The following COQ8A variants were observed in gnomAD, a reference collection of about 807,000 sequenced individuals.
COQ8A encodes atypical kinase COQ8A, mitochondrial.
COQ8A carries 51 observed loss-of-function variants against 65.0 expected under a neutral mutation model. The observed-to-expected ratio is 0.78, with a 90% confidence interval of 0.63 to 0.99. The LOEUF is 0.99. COQ8A is among the 50% of genes least tolerant of loss of function. The pLI is 0.00. For synonymous variants in COQ8A, 371 were observed against 353.2 expected (o/e 1.05, Z -0.57); for missense variants, 940 against 875.0 (o/e 1.07, Z -0.94).
intron 1 of COQ8A, among the ~76,000 whole-genome samples, chr1:226,945,561 A>G (rs1415525776): frequency 3.9e-5 from 6 of 152,194 alleles, no homozygotes; most frequent in African/African-American, 1.2e-4. Context: ...TTGAGCAAAC[A>G]TCTCTAATCT....
intron 3 of COQ8A, 46 bp from the exon 4 acceptor site, chr1:226,965,625 T>C: frequency 6.2e-7 from 1 of 1,608,978 alleles, no homozygotes; most frequent in Admixed American, 1.7e-5. Context: ...AGGTTGGTCC[T>C]GTCCCCTTGG....
intron 1 of COQ8A, among the ~76,000 whole-genome samples, chr1:226,948,325 T>G (rs1359066635): frequency 1.3e-5 from 2 of 152,246 alleles, no homozygotes; most frequent in African/African-American, 4.8e-5. Flanking sequence ...CACCTCGTTC[T>G]GACTCTGCCC....
chr1:226,978,186 A>C (rs1163411342), intron 5 of COQ8A, among the ~76,000 whole-genome samples: 4 of 144,450 alleles, frequency 2.8e-5, no homozygotes, highest in Middle Eastern at 7.6e-3. Context: ...CATCCTCCAC[A>C]CACCCACCTC....
intron 1 of COQ8A, among the ~76,000 whole-genome samples, chr1:226,956,423 G>A (rs1657764203): frequency 7.5e-6 from 1 of 133,558 alleles, no homozygotes; most frequent in Non-Finnish European, 1.6e-5. Context: ...CGCTCTCCCT[G>A]ATTCACACTC....
rs1660167093 is a variant in COQ8A, at chr1:226,987,127, A to G, written c.*390A>G. On this transcript the variant is annotated 3_prime_UTR_variant, in exon 15 of 15. Transcript: ENST00000366777. ...TGAACAGATACGATTGTGGGATTTT[A>G]TCATCTGTGTAGTAGGTGTGTGTAT... 4 of 292,562 alleles carry G rather than the reference A, an allele frequency of 1.4e-5. 1 individual carries two copies. Among genetic ancestry groups the G allele is most frequent in the South Asian group, 6.4e-5 (2 of 31,140 alleles). 18.1% of individuals were successfully genotyped at this position (292,562 alleles called of 1,614,324 possible).
chr1:226,961,497 A>G lies in COQ8A; in HGVS notation c.112A>G (p.Met38Val). ...CTTGGGCATCGGAGGGGAGCTGATC[A>G]TGGCGGCCAGGGCCCTGCAGTCCAC... ...QHLGIGGELIMAARALQSTAV... is the reference protein window; with the variant it reads ...QHLGIGGELIVAARALQSTAV... Residue 38 changes from methionine (M) to valine (V), a missense_variant, in exon 2 of 15, where the codon ATG (methionine) becomes GTG (valine). Physicochemically the swap from Met to Val is conservative, Grantham distance 21. Coordinates refer to ENST00000366777, the MANE Select transcript of COQ8A (RefSeq NM_020247.5). 2.5e-6 allele frequency: 4 copies of G among 1,613,920 alleles called. No individual in the cohort carries two copies. In the South Asian group the frequency reaches 4.4e-5, roughly 18 times the overall value.
intron 2 of COQ8A, among the ~76,000 whole-genome samples, chr1:226,963,399 ATACT>A (rs1357787869): frequency 6.6e-6 from 1 of 152,080 alleles, no homozygotes; most frequent in Non-Finnish European, 1.5e-5. Flanking sequence ...CATTCAGCAG[ATACT>A]TACTGAGTCC....
chr1:226,962,897 C>T (rs1223596662), intron 2 of COQ8A, among the ~76,000 whole-genome samples: 1 of 152,222 alleles, frequency 6.6e-6, no homozygotes, highest in East Asian at 1.9e-4. Context: ...GGACTCATAA[C>T]GAGTGACAGG....
chr1:226,979,366 C>T (rs569174706), intron 5 of COQ8A, among the ~76,000 whole-genome samples: 56 of 152,338 alleles, frequency 3.7e-4, no homozygotes, highest in African/African-American at 1.3e-3. Context: ...CAGGCCTCTT[C>T]AGGCACGGGG....
intron 1 of COQ8A, among the ~76,000 whole-genome samples, chr1:226,948,975 A>G (rs1657207477): frequency 6.6e-6 from 1 of 152,074 alleles, no homozygotes; most frequent in Admixed American, 6.6e-5. Flanking sequence ...AACTTATACC[A>G]TCATTTCGAG....
chr1:226,981,459 G>C (rs1490169420), intron 5 of COQ8A, among the ~76,000 whole-genome samples: 1 of 152,242 alleles, frequency 6.6e-6, no homozygotes, highest in Non-Finnish European at 1.5e-5. Context: ...GCCTCTGTGG[G>C]TGGACGGGAG....
chr1:226,977,485 A>G lies in COQ8A; in HGVS notation c.692A>G (p.Glu231Gly). 1 of 1,567,728 alleles carries G rather than the reference A, an allele frequency of 6.4e-7. No homozygotes were observed. Among genetic ancestry groups the G allele is most frequent in the Non-Finnish European group, 8.6e-7 (1 of 1,156,482 alleles). ...GGCCTGGGCTTCGGGGCACTGGCAG[A>G]GGTCGCCAAGAAGAGCCTGCGCTCC... ...AVGLGFGALA[E>G]VAKKSLRSED... Residue 231 changes from glutamate to glycine, a missense_variant, in exon 5 of 15, where the codon GAG becomes GGG. By Grantham distance (98) the Glu-to-Gly change is moderately conservative (BLOSUM62 -2). Transcript: ENST00000366777.
intron 5 of COQ8A, among the ~76,000 whole-genome samples, chr1:226,978,818 C>CTCACCCG (rs1659497958): frequency 8.8e-6 from 1 of 114,006 alleles, no homozygotes; most frequent in Non-Finnish European, 1.9e-5. Flanking sequence ...TACACACCCT[C>CTCACCCG]CATGCACACA....
chr1:226,978,804 TC>T lies in COQ8A; in HGVS notation c.730+1283del, dbSNP rs1558202273. ...CACACCCACCTCTCACCCGCACAGC[TC>T]CTTACACACCCTCCATGCACACACC... On this transcript the variant is annotated intron_variant, in intron 5 of 14. Transcript: ENST00000366777. Among the ~76,000 whole-genome samples the T allele has an allele frequency of 7.3e-4, 72 of 98,726 alleles. 3 individuals carry two copies. The highest frequency in any genetic ancestry group is 2.6e-3 in the African/African-American group (68 of 26,358). The allele number at this position is 98,726 out of a possible 152,430, so 64.8% of individuals were successfully genotyped here.
At chr1:226,947,811 A>G (rs1572016854) in intron 1 of COQ8A, among the ~76,000 whole-genome samples, 3 of 151,876 alleles carry the variant, frequency 2.0e-5, no homozygotes, top group South Asian at 2.1e-4. Flanking sequence ...ATATATATAT[A>G]TATATATCTA....
chr1:226,955,200 G>C (rs1657612312), intron 1 of COQ8A, among the ~76,000 whole-genome samples: 1 of 152,032 alleles, frequency 6.6e-6, no homozygotes, highest in Admixed American at 6.5e-5. Flanking sequence ...GGGAGGATGA[G>C]GTGTGGGTGG....
intron 1 of COQ8A, among the ~76,000 whole-genome samples, chr1:226,954,101 A>G (rs898873176): frequency 6.6e-6 from 1 of 152,260 alleles, no homozygotes; most frequent in Non-Finnish European, 1.5e-5. Flanking sequence ...CCCTCAGGGT[A>G]TCCTGAATAT....
In COQ8A at chr1:226,985,131, C is replaced by T. The variant is rs577742641; in HGVS notation, c.1573-123C>T. The T allele has an allele frequency of 3.4e-4, 390 of 1,143,192 alleles. 5 individuals are homozygous for T. The East Asian group carries it at 9.5e-3, about 28-fold the overall frequency. 70.8% of individuals were successfully genotyped at this position (1,143,192 alleles called of 1,614,324 possible). The stretch of plus-strand genomic sequence containing the variant: ...CCAGGCGTGGTGTCACAGCACTGGC[C>T]GGGGGCCCTGTGCAGGGAGAGGATG... On this transcript the variant is annotated intron_variant, in intron 13 of 14. Coordinates refer to ENST00000366777, the MANE Select transcript of COQ8A (RefSeq NM_020247.5).
At chr1:226,960,616 ATGGTGGTGG>A (rs777819893) in intron 1 of COQ8A, among the ~76,000 whole-genome samples, 3 of 40,950 alleles carry the variant, frequency 7.3e-5, no homozygotes, top group African/African-American at 2.0e-4. Flanking sequence ...GGCGGTGGTG[ATGGTGGTGG>A]TGGTGGTGGT....
Sources: allele counts gnomAD v4.1 joint callset (sites outside exome capture counted in the v4.1 genomes callset), GRCh38; gene constraint gnomAD v4.1.1; transcripts MANE v1.5; gene names NCBI Gene and HGNC (gene_info 2026-07-23, HGNC 2026-07-21).